The following PXK variants were observed in gnomAD, a reference collection of about 807,000 sequenced individuals.
The protein encoded by PXK is PX domain containing serine/threonine kinase like.
In PXK, 35 loss-of-function variants were observed where a neutral mutation model predicts 84.7. The ratio of observed to expected loss-of-function variants is 0.41; its 90% CI spans 0.32 to 0.55. The LOEUF (loss-of-function observed/expected upper bound fraction) is 0.55, where lower values mean the gene tolerates loss of function less well. Ranked by LOEUF, PXK falls within the 20% of genes least tolerant of loss-of-function variation. PXK has a pLI of 0.21. For missense variants in PXK, 634 were observed against 699.7 expected (o/e 0.91, Z 1.06); for synonymous variants, 253 against 260.8 (o/e 0.97, Z 0.29).
At chr3:58,391,871 T>C (rs2106902084) in intron 7 of PXK, 24 bp downstream of exon 7, 1 of 1,571,430 alleles carries the variant, frequency 6.4e-7, no homozygotes, top group Middle Eastern at 1.7e-4. Context: ...TTTCTTTTAT[T>C]CTCAGTGCTG....
intron 1 of PXK, among the ~76,000 whole-genome samples, chr3:58,349,357 CT>C (rs547487999): frequency 1.5e-3 from 196 of 134,898 alleles, no homozygotes; most frequent in South Asian, 2.4e-3. Flanking sequence ...TCATAAATAT[CT>C]TTTTTTTTTT....
At position 58,395,745 on chromosome 3, in the gene PXK, C is replaced by A; in HGVS notation, c.808C>A (p.Arg270=). 6.2e-7 allele frequency: 1 copy of A among 1,609,068 alleles called. No homozygotes were observed. Among genetic ancestry groups the A allele is most frequent in the Non-Finnish European group, 8.5e-7 (1 of 1,175,762 alleles). Residue 270 remains arginine, a synonymous_variant, in exon 9 of 18, where the codon CGG becomes AGG. Transcript: ENST00000356151. ...LELQQIKTYG[R]QILEVLKFLH... is the part of the protein sequence containing the mutation. The stretch of plus-strand genomic sequence containing the variant: ...ACTCCAGCAAATAAAAACATATGGA[C>A]GGCAAATATTAGAGGTAAGAGGTAC...
At chr3:58,343,015 C>CAGA (rs1173065277) in intron 1 of PXK, among the ~76,000 whole-genome samples, 2 of 152,170 alleles carry the variant, frequency 1.3e-5, no homozygotes, top group African/African-American at 4.8e-5. Flanking sequence ...ATGTGCTCAT[C>CAGA]AGAAATAGGT....
At position 58,421,739 on chromosome 3, in the gene PXK, G is replaced by A; in HGVS notation, c.1529-3013G>A. 4.1e-6 allele frequency: 4 copies of A among 985,448 alleles called. No homozygotes were observed. Among genetic ancestry groups the A allele is most frequent in the South Asian group, 4.7e-5 (1 of 21,292 alleles). The allele number at this position is 985,448 out of a possible 1,614,324, so 61.0% of individuals were successfully genotyped here. The stretch of plus-strand genomic sequence containing the variant: ...CTCTGCTGGACTGCCAGGTTCCCGT[G>A]TGGTTTGGTGGAGAAGATTTTGGGG... On this transcript the variant is annotated intron_variant, in intron 17 of 17. Coordinates refer to ENST00000356151, the MANE Select transcript of PXK (RefSeq NM_017771.5). The surrounding 1 kb of genome is among the most constrained non-coding windows in gnomAD (Gnocchi z 5.5).
rs1360879209 is a variant in PXK, at chr3:58,390,092, C to T, written c.389-490C>T. On this transcript the variant is annotated intron_variant, in intron 4 of 17. Transcript: ENST00000356151. The surrounding 1 kb of genome is among the most constrained non-coding windows in gnomAD (Gnocchi z 4.2). ...ATTCGGGAGGCTGAGGTGGGAGGAT[C>T]ACTTGAGCCCAGGAGGTTGAGTTTG... Among the ~76,000 whole-genome samples, 1 of 149,844 alleles carries T rather than the reference C, an allele frequency of 6.7e-6. No individual in the cohort carries two copies. Among genetic ancestry groups the T allele is most frequent in the African/African-American group, 2.5e-5 (1 of 40,674 alleles).
chr3:58,338,762 C>T (rs956443406), intron 1 of PXK, among the ~76,000 whole-genome samples: 7 of 151,146 alleles, frequency 4.6e-5, no homozygotes, highest in Admixed American at 2.0e-4. Context: ...CTCGGCTCAC[C>T]GCAACCTCTG....
chr3:58,377,884 C>G (rs2098457042), intron 3 of PXK, among the ~76,000 whole-genome samples: 1 of 152,180 alleles, frequency 6.6e-6, no homozygotes, highest in African/African-American at 2.4e-5. Context: ...CAGATAATCT[C>G]ATTGGGTCTC....
intron 2 of PXK, among the ~76,000 whole-genome samples, chr3:58,369,109 T>G (rs568645331): frequency 6.6e-6 from 1 of 152,358 alleles, no homozygotes; most frequent in East Asian, 1.9e-4. Context: ...GTCATTCATC[T>G]TTCTAGGTGC....
chr3:58,420,452 TCTGTTA>T, intron 17 of PXK: 1 of 1,465,636 alleles, frequency 6.8e-7, no homozygotes, highest in Non-Finnish European at 9.2e-7. Flanking sequence ...TATTTTACTG[TCTGTTA>T]CTATTTGATT....
At chr3:58,366,710 A>T (rs906405169) in intron 2 of PXK, among the ~76,000 whole-genome samples, 21 of 152,194 alleles carry the variant, frequency 1.4e-4, no homozygotes, top group African/African-American at 5.1e-4. Flanking sequence ...TTGTTTGAAT[A>T]ATTATTATAT....
At chr3:58,335,847 A>G (rs932600348) in intron 1 of PXK, among the ~76,000 whole-genome samples, 1 of 151,806 alleles carries the variant, frequency 6.6e-6, no homozygotes, top group African/African-American at 2.4e-5. Flanking sequence ...CTGCCTCCCA[A>G]GGTTGTTAGG....
chr3:58,380,639 C>T (rs2098489548), intron 3 of PXK, among the ~76,000 whole-genome samples: 1 of 151,774 alleles, frequency 6.6e-6, no homozygotes, highest in African/African-American at 2.4e-5. Flanking sequence ...GGTAAAACCC[C>T]ATCTCTACTA....
chr3:58,342,645 A>AAAAAAT (rs1417203754), intron 1 of PXK, among the ~76,000 whole-genome samples: 1 of 145,976 alleles, frequency 6.9e-6, no homozygotes, highest in Non-Finnish European at 1.5e-5. Context: ...AAAAAAAAAA[A>AAAAAAT]AAAAAAGAAA....
intron 2 of PXK, among the ~76,000 whole-genome samples, chr3:58,367,866 A>T (rs574743224): frequency 9.2e-5 from 14 of 151,786 alleles, no homozygotes; most frequent in Admixed American, 7.9e-4. Context: ...TGTGTTTTTT[A>T]TAGAGATGGG....
chr3:58,336,057 A>G (rs1415425366), intron 1 of PXK, among the ~76,000 whole-genome samples: 3 of 54,726 alleles, frequency 5.5e-5, no homozygotes, highest in African/African-American at 1.2e-4. Flanking sequence ...ATATATATAT[A>G]TATATATATA....
At chr3:58,384,305 C>T (rs893339119) in intron 4 of PXK, among the ~76,000 whole-genome samples, 36 of 152,204 alleles carry the variant, frequency 2.4e-4, no homozygotes, top group African/African-American at 7.7e-4. Flanking sequence ...CACATTAAAG[C>T]GTGAGAAGCC....
chr3:58,351,396 TGTGTGTG>T (rs775701930), intron 1 of PXK, among the ~76,000 whole-genome samples: 1 of 16,946 alleles, frequency 5.9e-5, no homozygotes, highest in Non-Finnish European at 1.8e-4. Context: ...GCTAGCTATT[TGTGTGTG>T]TGTGTGTGTG....
chr3:58,404,097 G>A (rs1576626914), intron 13 of PXK, among the ~76,000 whole-genome samples, 187 bp downstream of exon 13: 1 of 152,156 alleles, frequency 6.6e-6, no homozygotes, highest in Non-Finnish European at 1.5e-5. Flanking sequence ...AATTAAAAGT[G>A]AAATTGATAA....
In PXK at chr3:58,414,870, C is replaced by T. The variant is rs1379664985; in HGVS notation, c.1528+1907C>T. Reference sequence around the variant, plus strand: ...TGCCTGGCAACCTAGCATTTCAGGCCCTAAGCATTTCAACCCAAGGGAGTT... The same window carrying T: ...TGCCTGGCAACCTAGCATTTCAGGCTCTAAGCATTTCAACCCAAGGGAGTT... On this transcript the variant is annotated intron_variant, in intron 17 of 17. Coordinates refer to ENST00000356151, the MANE Select transcript of PXK (RefSeq NM_017771.5). This position sits in a 1 kb window ranked among gnomAD's most constrained non-coding sequence, Gnocchi z 4.5. Among the ~76,000 whole-genome samples the T allele has an allele frequency of 6.6e-6, 1 of 152,004 alleles. No homozygotes were observed. The highest frequency in any genetic ancestry group is 2.4e-5 in the African/African-American group (1 of 41,380).
Sources: gnomAD v4.1 joint callset for allele counts (sites outside exome capture counted in the v4.1 genomes callset) on GRCh38, gnomAD v4.1.1 for gene constraint, Gnocchi (gnomAD v3.1) non-coding constraint, MANE v1.5 for transcripts, NCBI Gene and HGNC (gene_info 2026-07-23, HGNC 2026-07-21) for gene names.